The following CADPS2 variants were observed in gnomAD, a reference collection of about 807,000 sequenced individuals.
CADPS2 encodes the protein calcium-dependent secretion activator 2.
Under a neutral mutation model 172.5 loss-of-function variants are expected in CADPS2, and 93 were observed. The ratio of observed to expected loss-of-function variants is 0.54; its 90% CI spans 0.46 to 0.64. The LOEUF (loss-of-function observed/expected upper bound fraction) is 0.64, where lower values mean the gene tolerates loss of function less well. Among genes scored for constraint, CADPS2 ranks in the 30% least tolerant of loss-of-function variants. The pLI is 0.00. For missense variants in CADPS2, 1,420 were observed against 1,565.9 expected (o/e 0.91, Z 1.57); for synonymous variants, 546 against 555.2 (o/e 0.98, Z 0.23).
In CADPS2 at chr7:122,516,567, G is replaced by A. The variant is rs147256079; in HGVS notation, c.1476-3252C>T. 2.1e-3 allele frequency among the ~76,000 whole-genome samples: 310 copies of A among 151,038 alleles called. 1 individual carries two copies. Among genetic ancestry groups the A allele is most frequent in the African/African-American group, 6.9e-3 (282 of 41,160 alleles). On this transcript the variant is annotated intron_variant, in intron 8 of 29. Transcript: ENST00000449022. ...AGTAAATACATGAAGAAGGAATGAA[G>A]ATAAAAATGTTCATCAATATTATTT... is the stretch of plus-strand genomic sequence containing the variant.
chr7:122,753,590 C>T lies in CADPS2; in HGVS notation c.340-16522G>A, dbSNP rs2093036208. Among the ~76,000 whole-genome samples the T allele has an allele frequency of 2.6e-5, 4 of 152,274 alleles. No homozygotes were observed. The South Asian group carries it at 8.3e-4, about 32-fold the overall frequency. On this transcript the variant is annotated intron_variant, in intron 1 of 29. Transcript: ENST00000449022. Reference sequence around the variant, plus strand: ...GAAAAGTACACCTCATTTTCCAACACACTGTAAGTTAAATGGAGACATTTT... The same window carrying T: ...GAAAAGTACACCTCATTTTCCAACATACTGTAAGTTAAATGGAGACATTTT...
chr7:122,664,259 C>T (rs2080940561), intron 2 of CADPS2, among the ~76,000 whole-genome samples: 1 of 151,990 alleles, frequency 6.6e-6, no homozygotes, highest in South Asian at 2.1e-4. Context: ...AATTTTTACT[C>T]AAAATTGCCC....
intron 7 of CADPS2, among the ~76,000 whole-genome samples, chr7:122,555,519 C>A (rs985661568): frequency 6.6e-6 from 1 of 151,972 alleles, no homozygotes; most frequent in Non-Finnish European, 1.5e-5. Flanking sequence ...AAGTGCACTG[C>A]ATTATATTTT....
rs557016519 is a variant in CADPS2 at position 122,559,819 on chromosome 7, C to T, written c.1336-5130G>A. The stretch of plus-strand genomic sequence containing the variant: ...GAAAAGAAAAAGAGAGAAGATAACC[C>T]GAGAACCCTCTGGGCACCACCTTTC... On this transcript the variant is annotated intron_variant, in intron 7 of 29. Transcript: ENST00000449022. Among the ~76,000 whole-genome samples, 17 of 151,058 alleles carry T rather than the reference C, an allele frequency of 1.1e-4. No homozygotes were observed. In the South Asian group the frequency reaches 1.5e-3, roughly 13 times the overall value.
chr7:122,783,185 T>C (rs1343177150), intron 1 of CADPS2, among the ~76,000 whole-genome samples: 1 of 142,094 alleles, frequency 7.0e-6, no homozygotes, highest in East Asian at 2.0e-4. Context: ...AAAGCGAGAC[T>C]CCATCTCAAA....
At position 122,344,609 on chromosome 7, in the gene CADPS2, G is replaced by C. The variant is rs904804528; in HGVS notation, c.3612+965C>G. On this transcript the variant is annotated intron_variant, in intron 28 of 29. Coordinates refer to ENST00000449022, the MANE Select transcript of CADPS2 (RefSeq NM_017954.11). ...CAAGATAAAAATGTTCAACAGTAGA[G>C]TGGCAGATATTTGGCTTTACTGCAG... Among the ~76,000 whole-genome samples, 11 of 152,138 alleles carry C rather than the reference G, an allele frequency of 7.2e-5. 1 individual carries two copies. The highest frequency in any genetic ancestry group is 7.2e-4 in the Admixed American group (11 of 15,274).
chr7:122,375,135 T>A (rs2042197115), intron 25 of CADPS2, among the ~76,000 whole-genome samples: 1 of 152,130 alleles, frequency 6.6e-6, no homozygotes, highest in Non-Finnish European at 1.5e-5. Context: ...GTGATCTACA[T>A]ATTTAATGCA....
At chr7:122,447,028 CCTCTT>C (rs2052323338) in intron 15 of CADPS2, among the ~76,000 whole-genome samples, 1 of 132,020 alleles carries the variant, frequency 7.6e-6, no homozygotes, top group Non-Finnish European at 1.5e-5. Flanking sequence ...TAAGTAGCTC[CCTCTT>C]TTTTTTTTTT....
intron 19 of CADPS2, among the ~76,000 whole-genome samples, chr7:122,408,069 T>A (rs907280180): frequency 6.6e-6 from 1 of 152,152 alleles, no homozygotes; most frequent in African/African-American, 2.4e-5. Flanking sequence ...TATTTCTTTT[T>A]TTTTCTGTGA....
chr7:122,409,721 C>T, intron 19 of CADPS2: 1 of 439,480 alleles, frequency 2.3e-6, no homozygotes, highest in Non-Finnish European at 4.8e-6. Context: ...TTGTCTACAA[C>T]CTGTCCCCTT....
chr7:122,865,280 G>A (rs1009450349), intron 1 of CADPS2, among the ~76,000 whole-genome samples: 17 of 152,282 alleles, frequency 1.1e-4, no homozygotes, highest in Non-Finnish European at 1.9e-4. Context: ...CATGCTTCTT[G>A]TATGGTCTGC....
chr7:122,358,853 A>T (rs2039763955), intron 27 of CADPS2, among the ~76,000 whole-genome samples: 1 of 152,126 alleles, frequency 6.6e-6, no homozygotes, highest in African/African-American at 2.4e-5. Context: ...ATGGTATAGT[A>T]TGTTCTGCTC....
chr7:122,474,622 CTT>C (rs1408909957), intron 12 of CADPS2, 105 bp from the exon 13 acceptor site: 2 of 1,014,772 alleles, frequency 2.0e-6, no homozygotes, highest in Non-Finnish European at 2.8e-6. Flanking sequence ...AGAAGACTAC[CTT>C]TTATCACATG....
intron 6 of CADPS2, among the ~76,000 whole-genome samples, chr7:122,609,182 G>T (rs1299836571): frequency 6.6e-6 from 1 of 152,034 alleles, no homozygotes; most frequent in Non-Finnish European, 1.5e-5. Context: ...GCACTCAAAG[G>T]ATACTTAACA....
chr7:122,472,366 A>G (rs973744241), intron 13 of CADPS2, among the ~76,000 whole-genome samples: 7 of 152,196 alleles, frequency 4.6e-5, no homozygotes, highest in Admixed American at 3.3e-4. Flanking sequence ...GGAAGAAAAG[A>G]AAAGGAGTAA....
At chr7:122,628,300 A>G (rs1324304382) in intron 4 of CADPS2, among the ~76,000 whole-genome samples, 5 of 152,314 alleles carry the variant, frequency 3.3e-5, no homozygotes, top group African/African-American at 9.6e-5. Context: ...AATTGTTAAA[A>G]TTAGTATGGG....
intron 19 of CADPS2, among the ~76,000 whole-genome samples, chr7:122,413,781 T>C (rs1224392072): frequency 6.6e-6 from 1 of 152,228 alleles, no homozygotes; most frequent in South Asian, 2.1e-4. Context: ...TTTGCTTTGT[T>C]TTTTAAAGGA....
chr7:122,609,989 T>C (rs1050616590), intron 6 of CADPS2, among the ~76,000 whole-genome samples: 2 of 152,176 alleles, frequency 1.3e-5, no homozygotes, highest in African/African-American at 4.8e-5. Flanking sequence ...TTAGCATTCA[T>C]GAGATACCTT....
intron 6 of CADPS2, among the ~76,000 whole-genome samples, chr7:122,607,489 T>C (rs1256914268): frequency 6.6e-6 from 1 of 152,132 alleles, no homozygotes; most frequent in Admixed American, 6.5e-5. Context: ...CCGAAAAAAC[T>C]GTCACAGTAT....
Sources: gnomAD v4.1 joint callset for allele counts (sites outside exome capture counted in the v4.1 genomes callset) on GRCh38, gnomAD v4.1.1 for gene constraint, MANE v1.5 for transcripts, NCBI Gene and HGNC (gene_info 2026-07-23, HGNC 2026-07-21) for gene names.